Variants in TRPM6 observed in about 807,000 individuals in gnomAD.
TRPM6 encodes the protein channel kinase 2.
Under a neutral mutation model 247.6 loss-of-function variants are expected in TRPM6, and 111 were observed. The observed-to-expected ratio is 0.45, with a 90% CI of 0.38 to 0.52. TRPM6 has a LOEUF of 0.52. Among genes scored for constraint, TRPM6 ranks in the 20% least tolerant of loss-of-function variants. The probability of loss-of-function intolerance (pLI) is 0.00; values close to 1 mark genes in which losing one functional copy is unlikely to be tolerated. For synonymous variants in TRPM6, 892 were observed against 853.8 expected, an observed-to-expected ratio of 1.04 and a Z score of -0.78; for missense variants, 2,126 against 2,421.5, an observed-to-expected ratio of 0.88 and a Z score of 2.56.
At chr9:74,791,986 T>G (rs1827920228) in intron 19 of TRPM6, among the ~76,000 whole-genome samples, 2 of 152,198 alleles carry the variant, frequency 1.3e-5, no homozygotes, top group Admixed American at 6.5e-5. Context: ...CTCAATCTCC[T>G]GACCTTGTGA....
intron 14 of TRPM6, 75 bp from the exon 15 acceptor site, chr9:74,803,961 G>A (rs1828438487): frequency 2.1e-6 from 2 of 939,282 alleles, no homozygotes; most frequent in Non-Finnish European, 3.5e-6. Context: ...AACAAAAGGA[G>A]GGGAGATTAT....
intron 1 of TRPM6, among the ~76,000 whole-genome samples, chr9:74,863,300 G>A (rs1347556442): frequency 6.6e-6 from 1 of 151,912 alleles, no homozygotes; most frequent in Non-Finnish European, 1.5e-5. Flanking sequence ...ACCCGCCTCG[G>A]CCTCCCAAAG....
intron 11 of TRPM6, among the ~76,000 whole-genome samples, chr9:74,812,756 G>A (rs1828780952): frequency 6.6e-6 from 1 of 152,078 alleles, no homozygotes; most frequent in South Asian, 2.1e-4. Flanking sequence ...CAGGCATAGT[G>A]GCATGCACCT....
intron 21 of TRPM6, 57 bp downstream of exon 21, chr9:74,785,817 C>T: frequency 6.2e-7 from 1 of 1,605,208 alleles, no homozygotes; most frequent in South Asian, 1.1e-5. Flanking sequence ...GCCACCACAC[C>T]TGGCTAAAAA....
chr9:74,802,515 C>T (rs1342595105), intron 15 of TRPM6, among the ~76,000 whole-genome samples: 1 of 152,144 alleles, frequency 6.6e-6, no homozygotes, highest in Non-Finnish European at 1.5e-5. Flanking sequence ...GAAATGGTTC[C>T]ATCTTCCTCA....
At chr9:74,761,409 T>C (rs966290336) in intron 27 of TRPM6, among the ~76,000 whole-genome samples, 8 of 152,202 alleles carry the variant, frequency 5.3e-5, no homozygotes, top group African/African-American at 1.9e-4. Context: ...ATATCCACTC[T>C]AATGACTCTT....
chr9:74,776,322 G>A (rs1827221006), intron 23 of TRPM6, among the ~76,000 whole-genome samples: 2 of 151,836 alleles, frequency 1.3e-5, no homozygotes, highest in South Asian at 4.2e-4. Flanking sequence ...AAAAGAAAAT[G>A]CCAACATTTT....
intron 21 of TRPM6, among the ~76,000 whole-genome samples, chr9:74,783,371 T>C (rs1242442333): frequency 1.3e-5 from 2 of 152,160 alleles, no homozygotes; most frequent in African/African-American, 2.4e-5. Flanking sequence ...ATTCCCATCA[T>C]TATTTCAAGA....
rs151207028 is a variant in TRPM6, at chr9:74,761,763, G to A, written c.4718C>T (p.Ala1573Val). Reference protein sequence around the residue: ...SEIGQGAWVKAKMLTKDRRLS... With the variant: ...SEIGQGAWVKVKMLTKDRRLS... Reference sequence around the variant, plus strand: ...TCTCCTGTCTTTGGTTAGCATTTTCGCTTTGACCCATGCTCCCTGCCCTAT... The same window carrying A: ...TCTCCTGTCTTTGGTTAGCATTTTCACTTTGACCCATGCTCCCTGCCCTAT... Residue 1573 changes from alanine (A) to valine (V), a missense_variant, in exon 27 of 39, where the codon GCG becomes GTG. Physicochemically the swap from Ala to Val is moderately conservative, Grantham distance 64. Coordinates refer to ENST00000360774, the MANE Select transcript of TRPM6 (RefSeq NM_017662.5). The A allele has an allele frequency of 1.7e-5, 27 of 1,613,780 alleles. No homozygotes were observed. The highest frequency in any genetic ancestry group is 6.7e-5 in the East Asian group (3 of 44,880).
intron 20 of TRPM6, among the ~76,000 whole-genome samples, chr9:74,787,339 GA>G (rs71368679): frequency 3.2e-4 from 42 of 131,682 alleles, no homozygotes; most frequent in Non-Finnish European, 4.3e-4. Context: ...TGTCTCAAAA[GA>G]AAAAAAAAAA....
intron 21 of TRPM6, among the ~76,000 whole-genome samples, chr9:74,783,460 T>G (rs375846522): frequency 1.2e-4 from 19 of 152,210 alleles, no homozygotes; most frequent in Non-Finnish European, 1.0e-4. Context: ...TGTGGTTTGA[T>G]GGTGACTTGG....
chr9:74,755,545 C>G (rs1826404447), intron 27 of TRPM6, 72 bp from the exon 28 acceptor site: 10 of 1,589,840 alleles, frequency 6.3e-6, no homozygotes, highest in African/African-American at 1.3e-5. Flanking sequence ...CTAACAGAAG[C>G]ACCATGGTGA....
Position 74,762,752 on chromosome 9 carries a change from T to G in TRPM6, c.3919A>C (p.Lys1307Gln). 6.2e-7 allele frequency: 1 copy of G among 1,614,198 alleles called. No homozygotes were observed. The highest frequency in any genetic ancestry group is 2.2e-5 in the East Asian group (1 of 44,882). ...TTTCTTACATTTGTAGCCTCTCTTT[T>G]ACTGTTTGTAATCTCAAGAAGTGCC... The part of the protein sequence containing the change: ...RGALLEITNS[K>Q]REATNVRNDQ... The change falls in exon 26 of 39, where the codon AAA becomes CAA. Residue 1307 changes from lysine (K) to glutamine (Q), a missense_variant. Coordinates refer to ENST00000360774, the MANE Select transcript of TRPM6 (RefSeq NM_017662.5).
intron 27 of TRPM6, 140 bp downstream of exon 27, chr9:74,761,556 A>C: frequency 1.5e-6 from 1 of 682,084 alleles, no homozygotes; most frequent in Non-Finnish European, 2.7e-6. Flanking sequence ...TCTTAAAAAG[A>C]GGAACAAATT....
chr9:74,779,742 C>T (rs1023824713), intron 23 of TRPM6, among the ~76,000 whole-genome samples: 6 of 152,182 alleles, frequency 3.9e-5, no homozygotes, highest in Admixed American at 2.0e-4. Flanking sequence ...GAGGAAGTGG[C>T]CCATACTGGT....
intron 24 of TRPM6, among the ~76,000 whole-genome samples, chr9:74,774,484 G>GA (rs201366785): frequency 0.046 from 6,993 of 150,758 alleles, 510 homozygotes; most frequent in African/African-American, 0.15. Flanking sequence ...GTATGAAAAA[G>GA]AAAAAAAAAT....
chr9:74,870,635 C>T (rs1830991776), intron 1 of TRPM6, among the ~76,000 whole-genome samples: 1 of 152,078 alleles, frequency 6.6e-6, no homozygotes, highest in Admixed American at 6.6e-5. Context: ...GAAATAGGCA[C>T]TCCACGGGCT....
In TRPM6 at chr9:74,739,773, T is replaced by C. The variant is rs1426524330; in HGVS notation, c.5437A>G (p.Thr1813Ala). 5 of 1,613,972 alleles carry C rather than the reference T, an allele frequency of 3.1e-6. No homozygotes were observed. The highest frequency in any genetic ancestry group is 1.3e-5 in the African/African-American group (1 of 74,904). ...CTCTCCTGGAAGATTTTATGCCATG[T>C]CCGCACAACCTCAGGAAGAAAGGAC... ...VKSFLPEVVRTWHKIFQESTV... is the reference protein window; with the variant it reads ...VKSFLPEVVRAWHKIFQESTV... Residue 1813 changes from threonine (T) to alanine (A), a missense_variant, in exon 34 of 39, where the codon ACA (threonine) becomes GCA (alanine). Around this residue, in one of 3 missense-constraint regions of TRPM6, gnomAD observed 327 missense variants for 397.7 expected, o/e 0.82. Transcript: ENST00000360774.
At chr9:74,842,842 T>C (rs1271565950) in intron 3 of TRPM6, among the ~76,000 whole-genome samples, 1 of 152,218 alleles carries the variant, frequency 6.6e-6, no homozygotes, top group Middle Eastern at 3.2e-3. Flanking sequence ...GGGTCTTCTC[T>C]CAATGTTGAT....
Sources: allele counts gnomAD v4.1 joint callset (sites outside exome capture counted in the v4.1 genomes callset), GRCh38; gene constraint gnomAD v4.1.1; regional missense constraint gnomAD v4.1.1; transcripts MANE v1.5; gene names NCBI Gene and HGNC (gene_info 2026-07-23, HGNC 2026-07-21).